The following ZNF330 variants were observed in gnomAD, a reference collection of about 807,000 sequenced individuals.
The protein encoded by ZNF330 is zinc finger protein 330.
A neutral mutation model predicts 45.5 loss-of-function variants in ZNF330; 31 were observed. The ratio of observed to expected loss-of-function variants is 0.68; its 90% CI spans 0.51 to 0.92. The LOEUF (loss-of-function observed/expected upper bound fraction) is 0.92. Among genes scored for constraint, ZNF330 ranks in the 40% least tolerant of loss-of-function variants. The probability of loss-of-function intolerance (pLI) is 0.00; values close to 1 mark genes in which losing one functional copy is unlikely to be tolerated. For missense variants in ZNF330, 356 were observed against 387.4 expected, an observed-to-expected ratio of 0.92 and a Z score of 0.68; for synonymous variants, 138 against 123.2, an observed-to-expected ratio of 1.12 and a Z score of -0.79.
chr4:141,234,002 G>C lies in ZNF330; in HGVS notation c.*13G>C, dbSNP rs145524290. The C allele has an allele frequency of 1.2e-6, 2 of 1,602,604 alleles. No homozygotes were observed. The highest frequency in any genetic ancestry group is 1.3e-5 in the African/African-American group (1 of 74,678). On this transcript the variant is annotated 3_prime_UTR_variant, in exon 10 of 10. Transcript: ENST00000262990. ...ACAAGAGAACTAGGGGAGCTGCTCT[G>C]GTGGCCGTGTGTGAGAGGAGCAGGA...
chr4:141,229,812 AC>A, intron 6 of ZNF330, 115 bp downstream of exon 6: 1 of 1,329,808 alleles, frequency 7.5e-7, no homozygotes, highest in Admixed American at 1.8e-5. Context: ...AACTACTGGT[AC>A]TGTTTTGATT....
chr4:141,234,134 T>C lies in ZNF330; in HGVS notation c.*145T>C. The C allele has an allele frequency of 7.2e-7, 1 of 1,382,242 alleles. No homozygotes were observed. Among genetic ancestry groups the C allele is most frequent in the Non-Finnish European group, 9.4e-7 (1 of 1,066,158 alleles). The allele number at this position is 1,382,242 out of a possible 1,614,324, so 85.6% of individuals were successfully genotyped here. A position where few individuals can be genotyped will look rare whatever the true frequency, so the allele number is the denominator to read the frequency against. On this transcript the variant is annotated 3_prime_UTR_variant, in exon 10 of 10. Coordinates refer to ENST00000262990, the MANE Select transcript of ZNF330 (RefSeq NM_014487.6). ...ACTTAATGGGCCAAGCAATAGGGTG[T>C]AGCGTTTTTATAGAACTGATAATCA...
At chr4:141,231,337 T>A in intron 7 of ZNF330, 102 bp from the exon 8 acceptor site, 2 of 975,118 alleles carry the variant, frequency 2.1e-6, no homozygotes, top group Non-Finnish European at 3.0e-6. Context: ...CAGCTGTCTA[T>A]AAGGCTATAT....
chr4:141,228,883 C>G (rs947132795), intron 5 of ZNF330, among the ~76,000 whole-genome samples: 4 of 152,006 alleles, frequency 2.6e-5, no homozygotes, highest in Non-Finnish European at 5.9e-5. Flanking sequence ...TCTGATCCTA[C>G]TCTCTTAAGA....
At chr4:141,222,248 G>A (rs1728696818) in intron 1 of ZNF330, 118 bp from the exon 2 acceptor site, 2 of 1,225,820 alleles carry the variant, frequency 1.6e-6, no homozygotes, top group African/African-American at 3.1e-5. Flanking sequence ...ACTATCGAAA[G>A]GATAGAGTTT....
intron 9 of ZNF330, 21 bp downstream of exon 9, chr4:141,232,663 A>C: frequency 7.3e-7 from 1 of 1,369,384 alleles, no homozygotes; most frequent in African/African-American, 1.5e-5. Context: ...TAAGATACTA[A>C]GGAAGTGATT....
chr4:141,223,661 A>G, intron 2 of ZNF330: 1 of 446,852 alleles, frequency 2.2e-6, no homozygotes, highest in South Asian at 1.6e-5. Flanking sequence ...TCTGTGTTTA[A>G]GAGTCCTTTC....
rs80154617 is a variant in ZNF330 at position 141,227,384 on chromosome 4, C to T, written c.291+538C>T. Among the ~76,000 whole-genome samples, 994 of 151,902 alleles carry T rather than the reference C, an allele frequency of 6.5e-3. 6 individuals are homozygous for T. The highest frequency in any genetic ancestry group is 0.01 in the South Asian group (49 of 4,802). On this transcript the variant is annotated intron_variant, in intron 5 of 9. Transcript: ENST00000262990. ...GTTCCCACCTATGAGTGAGAACATG[C>T]GGTGTTTGGTTTTTTGTCCTTGCGA...
intron 9 of ZNF330, among the ~76,000 whole-genome samples, chr4:141,233,078 TA>T (rs1444263438): frequency 1.3e-5 from 2 of 152,122 alleles, no homozygotes; most frequent in African/African-American, 4.8e-5. Context: ...AGCACTACTA[TA>T]GGAAATTATT....
rs1038351058 is a variant in ZNF330, at chr4:141,224,476, A to G, written c.121-11A>G. 4.0e-5 allele frequency: 64 copies of G among 1,602,708 alleles called. No homozygotes were observed. Among genetic ancestry groups the G allele is most frequent in the Non-Finnish European group, 5.4e-5 (63 of 1,173,440 alleles). On this transcript the variant is annotated splice_polypyrimidine_tract_variant and intron_variant, in intron 2 of 9. Coordinates refer to ENST00000262990, the MANE Select transcript of ZNF330 (RefSeq NM_014487.6). ...GCAGAAAAATTAATGTGATATTTTT[A>G]TATGTTACAGGAATGTGACAAGTGT...
rs1578809469 is a variant in ZNF330 at position 141,226,795 on chromosome 4, A to G, written c.240A>G (p.Ser80=). Residue 80 remains serine (S), a synonymous_variant, in exon 5 of 10, where the codon TCA becomes TCG. Coordinates refer to ENST00000262990, the MANE Select transcript of ZNF330 (RefSeq NM_014487.6). ...CGKTKCMMKS[S]DCVIKHAGVY... ...AAACAAAGTGCATGATGAAGTCTTC[A>G]GACTGTGTCATAAAGCATGCTGGTG... 6.2e-7 allele frequency: 1 copy of G among 1,613,092 alleles called. No individual in the cohort carries two copies. Among genetic ancestry groups the G allele is most frequent in the Non-Finnish European group, 8.5e-7 (1 of 1,179,360 alleles).
At chr4:141,231,559 A>G in intron 8 of ZNF330, 74 bp downstream of exon 8, 1 of 1,057,234 alleles carries the variant, frequency 9.5e-7, no homozygotes, top group Non-Finnish European at 1.4e-6. Context: ...CTTGGCTTAT[A>G]TGCAGCTATA....
intron 4 of ZNF330, among the ~76,000 whole-genome samples, chr4:141,225,867 G>A (rs1223633161): frequency 5.3e-5 from 8 of 152,010 alleles, no homozygotes; most frequent in African/African-American, 9.7e-5. Flanking sequence ...AAATTTTGTA[G>A]TGTTGTTAGA....
At position 141,233,785 on chromosome 4, in the gene ZNF330, T is replaced by C; in HGVS notation, c.759T>C (p.Tyr253=). The part of the protein sequence containing the change: ...EGDGASGYDA[Y]WKNLSSDKYG... The stretch of plus-strand genomic sequence containing the variant: ...ATGGAGCTTCTGGGTATGATGCTTA[T>C]TGGAAGAACCTTTCATCTGATAAGT... The change falls in exon 10 of 10, where the codon TAT becomes TAC. Residue 253 remains tyrosine (Y), a synonymous_variant. Transcript: ENST00000262990. 6.2e-7 allele frequency: 1 copy of C among 1,613,662 alleles called. No homozygotes were observed. The highest frequency in any genetic ancestry group is 1.3e-5 in the African/African-American group (1 of 74,972).
upstream of ZNF330, chr4:141,220,785 A>AG (rs1160242172): frequency 1.3e-5 from 2 of 152,314 alleles, no homozygotes; most frequent in Middle Eastern, 3.4e-3. Flanking sequence ...CCTTTTCTGC[A>AG]GATCCTCTGC....
chr4:141,226,413 T>G (rs1376077675), intron 4 of ZNF330, among the ~76,000 whole-genome samples: 5 of 152,168 alleles, frequency 3.3e-5, no homozygotes, highest in African/African-American at 1.2e-4. Context: ...AGCATTCCTT[T>G]AAAAATTGTT....
upstream of ZNF330, among the ~76,000 whole-genome samples, chr4:141,220,633 T>C (rs1728648521): frequency 1.3e-5 from 2 of 152,234 alleles, no homozygotes; most frequent in South Asian, 2.1e-4. Context: ...ATTTGCTGTT[T>C]GAGTCAATTG....
At chr4:141,223,189 T>G (rs567585898) in intron 2 of ZNF330, among the ~76,000 whole-genome samples, 3 of 152,204 alleles carry the variant, frequency 2.0e-5, no homozygotes, top group Non-Finnish European at 4.4e-5. Flanking sequence ...CTGTGGGTAG[T>G]GATACATAGA....
intron 1 of ZNF330, among the ~76,000 whole-genome samples, chr4:141,221,542 G>A (rs934401934): frequency 2.6e-5 from 4 of 152,156 alleles, no homozygotes; most frequent in African/African-American, 9.7e-5. Flanking sequence ...TATTGGAATG[G>A]TGCCTTAGTG....
Sources: gnomAD v4.1 joint callset for allele counts (sites outside exome capture counted in the v4.1 genomes callset) on GRCh38, gnomAD v4.1.1 for gene constraint, MANE v1.5 for transcripts, NCBI Gene and HGNC (gene_info 2026-07-23, HGNC 2026-07-21) for gene names.